The following THRB variants were observed in gnomAD, a reference collection of about 807,000 sequenced individuals.
THRB encodes the protein thyroid hormone receptor beta, also known as nuclear receptor subfamily 1 group A member 2.
In THRB, 12 loss-of-function variants were observed where a neutral mutation model predicts 47.8. That is an observed-to-expected ratio of 0.25 (90% CI 0.16 to 0.41). THRB has a LOEUF of 0.41. THRB is among the 10% of genes least tolerant of loss of function. The pLI, the probability that THRB is intolerant of heterozygous loss-of-function variation, is 1.00. For synonymous variants in THRB, 218 were observed against 212.2 expected (o/e 1.03, Z -0.24); for missense variants, 348 against 589.2 (o/e 0.59, Z 4.24).
chr3:24,197,683 C>T (rs1024252369), intron 4 of THRB, among the ~76,000 whole-genome samples: 1 of 152,106 alleles, frequency 6.6e-6, no homozygotes, highest in African/African-American at 2.4e-5. Flanking sequence ...AGAGCACATA[C>T]AGGTTTTTAT....
chr3:24,203,990 G>A (rs952882193), intron 4 of THRB, among the ~76,000 whole-genome samples: 11 of 152,384 alleles, frequency 7.2e-5, no homozygotes, highest in Non-Finnish European at 1.3e-4. Flanking sequence ...GGCTTGAGTA[G>A]GTAAACAAAG....
At chr3:24,213,188 A>G (rs1162502324) in intron 4 of THRB, among the ~76,000 whole-genome samples, 1 of 152,212 alleles carries the variant, frequency 6.6e-6, no homozygotes, top group Non-Finnish European at 1.5e-5. Flanking sequence ...GGACTGGGCC[A>G]AGCTGTCCCA....
At chr3:24,226,898 C>T (rs2047708172) in intron 4 of THRB, among the ~76,000 whole-genome samples, 1 of 152,210 alleles carries the variant, frequency 6.6e-6, no homozygotes, top group Non-Finnish European at 1.5e-5. Flanking sequence ...ATGACAGACA[C>T]TGTATGGGCT....
At chr3:24,163,708 G>GAAGATAAAAAAA (rs752043037) in intron 5 of THRB, among the ~76,000 whole-genome samples, 12 of 152,148 alleles carry the variant, frequency 7.9e-5, no homozygotes, top group Admixed American at 5.9e-4. Context: ...AGATTCTGAT[G>GAAGATAAAAAAA]ACCTTCAAAA....
chr3:24,349,170 C>T (rs1394137898), intron 1 of THRB, among the ~76,000 whole-genome samples: 1 of 152,008 alleles, frequency 6.6e-6, no homozygotes, highest in Non-Finnish European at 1.5e-5. Flanking sequence ...TCCAAGACTT[C>T]TAAATGGGAA....
chr3:24,309,406 C>T (rs998827919), intron 2 of THRB, among the ~76,000 whole-genome samples: 1 of 152,166 alleles, frequency 6.6e-6, no homozygotes, highest in Non-Finnish European at 1.5e-5. Context: ...AACTTGATCT[C>T]ATAACCCACT....
intron 1 of THRB, among the ~76,000 whole-genome samples, chr3:24,396,148 AAGGCATATATATATATAT>A (rs1250591073): frequency 1.3e-5 from 2 of 152,046 alleles, no homozygotes; most frequent in Admixed American, 6.6e-5. Context: ...GTATCTCCAC[AAGGCATATATATATATAT>A]AGGCATATAT....
chr3:24,321,258 C>T (rs1190775951), intron 2 of THRB, among the ~76,000 whole-genome samples: 1 of 152,112 alleles, frequency 6.6e-6, no homozygotes, highest in Non-Finnish European at 1.5e-5. Context: ...CCACTTCATT[C>T]CTGCATCCAT....
intron 4 of THRB, among the ~76,000 whole-genome samples, chr3:24,198,531 C>A (rs1375821742): frequency 1.4e-5 from 2 of 138,610 alleles, no homozygotes; most frequent in African/African-American, 5.4e-5. Flanking sequence ...TGGGAAGGAG[C>A]CTGTAGGATC....
chr3:24,134,029 G>A (rs541716317), intron 8 of THRB, among the ~76,000 whole-genome samples: 101 of 152,302 alleles, frequency 6.6e-4, no homozygotes, highest in African/African-American at 2.4e-3. Context: ...AGATTGCTAG[G>A]CTGTCTACAG....
At chr3:24,373,285 G>A (rs141180460) in intron 1 of THRB, among the ~76,000 whole-genome samples, 2 of 152,242 alleles carry the variant, frequency 1.3e-5, no homozygotes, top group Admixed American at 6.5e-5. Flanking sequence ...GAGAGATAAT[G>A]TATGTGCAAA....
At chr3:24,233,498 G>A (rs1309773635) in intron 3 of THRB, among the ~76,000 whole-genome samples, 4 of 63,972 alleles carry the variant, frequency 6.3e-5, no homozygotes, top group African/African-American at 2.5e-4. Flanking sequence ...AAAAAAGAAA[G>A]GAAGAAAGAA....
chr3:24,190,967 A>G (rs576869634), intron 4 of THRB, among the ~76,000 whole-genome samples: 6 of 152,238 alleles, frequency 3.9e-5, no homozygotes, highest in African/African-American at 1.4e-4. Flanking sequence ...ATAAGAACCG[A>G]TGAAGGAAAG....
At chr3:24,356,713 T>C (rs2063697893) in intron 1 of THRB, among the ~76,000 whole-genome samples, 1 of 152,128 alleles carries the variant, frequency 6.6e-6, no homozygotes, top group South Asian at 2.1e-4. Context: ...ACCTCAATTG[T>C]TGGTACCAAA....
At chr3:24,397,508 T>C (rs1241759098) in intron 1 of THRB, among the ~76,000 whole-genome samples, 2 of 152,032 alleles carry the variant, frequency 1.3e-5, no homozygotes, top group African/African-American at 4.8e-5. Context: ...AGCCATATGT[T>C]CCTTGCAGTC....
intron 1 of THRB, among the ~76,000 whole-genome samples, chr3:24,374,953 T>C (rs1390528008): frequency 6.6e-6 from 1 of 152,132 alleles, no homozygotes; most frequent in Non-Finnish European, 1.5e-5. Context: ...AAGTTAATCT[T>C]TAGCAAAGCA....
At chr3:24,245,083 G>A (rs902618813) in intron 3 of THRB, among the ~76,000 whole-genome samples, 9 of 152,216 alleles carry the variant, frequency 5.9e-5, no homozygotes, top group Non-Finnish European at 1.0e-4. Context: ...TGTGAGCAAC[G>A]TGATGATATG....
chr3:24,163,892 AACAG>A (rs1360545854), intron 5 of THRB, among the ~76,000 whole-genome samples: 2 of 152,134 alleles, frequency 1.3e-5, no homozygotes, highest in Non-Finnish European at 2.9e-5. Context: ...TTGTTTTCAT[AACAG>A]ACTACTTTCA....
At chr3:24,295,176 A>G (rs140041465) in intron 3 of THRB, among the ~76,000 whole-genome samples, 2 of 152,360 alleles carry the variant, frequency 1.3e-5, no homozygotes, top group East Asian at 1.9e-4. Flanking sequence ...TAGGCACAGC[A>G]TTGTATTATC....
Sources: gnomAD v4.1 joint callset for allele counts (sites outside exome capture counted in the v4.1 genomes callset) on GRCh38, gnomAD v4.1.1 for gene constraint, MANE v1.5 for transcripts, NCBI Gene and HGNC (gene_info 2026-07-23, HGNC 2026-07-21) for gene names.